Variants in DMKN observed in about 807,000 individuals in gnomAD.
DMKN encodes epidermis-specific secreted protein SK30/SK89.
DMKN carries 58 observed loss-of-function variants against 67.6 expected under a neutral mutation model. That is an observed-to-expected ratio of 0.86 (90% CI 0.69 to 1.07). The LOEUF (loss-of-function observed/expected upper bound fraction) is 1.07. DMKN is among the 50% of genes least tolerant of loss of function. The pLI is 0.00. For synonymous variants in DMKN, 240 were observed against 232.3 expected (o/e 1.03, Z -0.30); for missense variants, 596 against 601.5 (o/e 0.99, Z 0.10).
intron 11 of DMKN, chr19:35,501,892 C>T (rs1374931114): frequency 6.3e-7 from 1 of 1,580,686 alleles, no homozygotes; most frequent in African/African-American, 1.3e-5. Flanking sequence ...CAGTGGCCGG[C>T]TTCATGTTCA....
chr19:35,510,149 C>G (rs1301502097), intron 6 of DMKN, 35 bp downstream of exon 6: 2 of 1,585,656 alleles, frequency 1.3e-6, no homozygotes, highest in South Asian at 2.3e-5. Context: ...CTTTTCCTTC[C>G]CGCGGTTGGT....
At position 35,505,965 on chromosome 19, in the gene DMKN, T is replaced by C. The variant is rs1259555862; in HGVS notation, c.1060A>G (p.Met354Val). The change falls in exon 8 of 16, where the codon ATG becomes GTG. Residue 354 changes from methionine (M) to valine (V), a missense_variant. Physicochemically the swap from Met to Val is conservative, Grantham distance 21. Coordinates refer to ENST00000339686, the MANE Select transcript of DMKN (RefSeq NM_033317.5). ...TTCCAGAAAGTGTCAAAGTTAAACA[T>C]CCCAGGAGACGTCTCAGAGTTCTAT... ...GIQNSETSPGMFNFDTFWKNF... is the reference protein window; with the variant it reads ...GIQNSETSPGVFNFDTFWKNF... The C allele has an allele frequency of 1.2e-6, 2 of 1,614,096 alleles. No homozygotes were observed. Among genetic ancestry groups the C allele is most frequent in the Non-Finnish European group, 1.7e-6 (2 of 1,180,028 alleles).
chr19:35,499,945 T>A lies in DMKN; in HGVS notation c.1359+13A>T. The A allele has an allele frequency of 6.2e-7, 1 of 1,613,718 alleles. No homozygotes were observed. The highest frequency in any genetic ancestry group is 8.5e-7 in the Non-Finnish European group (1 of 1,179,808). On this transcript the variant is annotated intron_variant, in intron 13 of 15. Coordinates refer to ENST00000339686, the MANE Select transcript of DMKN (RefSeq NM_033317.5). Reference sequence around the variant, plus strand: ...AGCCCCCAGCGGGAAGACAGGGTGGTTGCCGGTCTCACCTTTGCAGGGGTC... The same window carrying A: ...AGCCCCCAGCGGGAAGACAGGGTGGATGCCGGTCTCACCTTTGCAGGGGTC...
At chr19:35,508,079 A>C in intron 7 of DMKN, 2 of 1,276,004 alleles carry the variant, frequency 1.6e-6, no homozygotes, top group Non-Finnish European at 2.2e-6. Context: ...CCTCGTTCCC[A>C]GAGCTCTCAG....
rs2068507103 is a variant in DMKN, at chr19:35,502,135, C to A, written c.1239+1G>T. ...GAGCTGAGAAGTCCTGCCCCCCTTA[C>A]CTCAATAATTGCTTTCCAGTTGAGG... On this transcript the variant is annotated splice_donor_variant, in intron 11 of 15. Coordinates refer to ENST00000339686, the MANE Select transcript of DMKN (RefSeq NM_033317.5). LOFTEE classifies it high-confidence loss of function. 2 of 1,614,178 alleles carry A rather than the reference C, an allele frequency of 1.2e-6. No homozygotes were observed. Among genetic ancestry groups the A allele is most frequent in the Middle Eastern group, 1.7e-4 (1 of 6,052 alleles).
rs902087174 is a variant in DMKN at position 35,512,694 on chromosome 19, C to G, written c.523G>C (p.Gly175Arg). The part of the protein sequence containing the change: ...PGGLGTPWVH[G>R]YPGNSAGSFG... Reference sequence around the variant, plus strand: ...CTGCCTGCTGAGTTTCCGGGGTATCCGTGGACCCACGGAGTCCCCAGACCT... The same window carrying G: ...CTGCCTGCTGAGTTTCCGGGGTATCGGTGGACCCACGGAGTCCCCAGACCT... Residue 175 changes from glycine (G) to arginine (R), a missense_variant, in exon 2 of 16, where the codon GGA (glycine) becomes CGA (arginine). Coordinates refer to ENST00000339686, the MANE Select transcript of DMKN (RefSeq NM_033317.5). The G allele has an allele frequency of 3.7e-6, 6 of 1,614,080 alleles. No homozygotes were observed. The highest frequency in any genetic ancestry group is 5.1e-6 in the Non-Finnish European group (6 of 1,180,044).
chr19:35,505,447 G>A (rs1180281534), intron 9 of DMKN, among the ~76,000 whole-genome samples: 1 of 152,138 alleles, frequency 6.6e-6, no homozygotes, highest in Non-Finnish European at 1.5e-5. Context: ...AAAGGGGAAA[G>A]TGAGGTTCAG....
chr19:35,500,018 G>T lies in DMKN; in HGVS notation c.1299C>A (p.Tyr433Ter), dbSNP rs1376704654. Residue 433 changes from tyrosine (Y) to a stop codon, truncating the protein, a stop_gained, in exon 13 of 16, where the codon TAC becomes TAA. Transcript: ENST00000339686. LOFTEE classifies it high-confidence loss of function. ...RAGRDDQNYN[Y>*]NQHAYPTAYG... ...AGGCAGTGGGATACGCATGCTGGTT[G>T]TAATTGTAGTTCTGTGGAAGAAGTG... The T allele has an allele frequency of 1.2e-6, 2 of 1,614,236 alleles. No homozygotes were observed. The highest frequency in any genetic ancestry group is 1.7e-5 in the Admixed American group (1 of 60,024).
At chr19:35,498,442 C>G (rs1461837358) in intron 15 of DMKN, 2 of 527,506 alleles carry the variant, frequency 3.8e-6, no homozygotes, top group Admixed American at 3.6e-5. Context: ...CTCCCAGACT[C>G]AAGTGATCCT....
intron 10 of DMKN, among the ~76,000 whole-genome samples, chr19:35,502,399 A>G (rs564336091): frequency 7.2e-5 from 11 of 152,232 alleles, no homozygotes; most frequent in Admixed American, 3.3e-4. Flanking sequence ...AGCTGTCTCA[A>G]AAATGAAGAG....
intron 5 of DMKN, among the ~76,000 whole-genome samples, chr19:35,510,921 C>T (rs1459168357): frequency 6.6e-6 from 1 of 152,120 alleles, no homozygotes; most frequent in East Asian, 1.9e-4. Flanking sequence ...TCACAGCGCC[C>T]CTTCCTGCCC....
chr19:35,510,423 A>G (rs1325152210), intron 5 of DMKN, 171 bp from the exon 6 acceptor site: 1 of 1,552,206 alleles, frequency 6.4e-7, no homozygotes, highest in Non-Finnish European at 8.7e-7. Flanking sequence ...AGTTATTCCG[A>G]GCATGGAGAA....
intron 13 of DMKN, 116 bp from the exon 14 acceptor site, chr19:35,499,013 C>T (rs1048167617): frequency 2.3e-5 from 33 of 1,458,542 alleles, no homozygotes; most frequent in Non-Finnish European, 2.5e-5. Context: ...GGGCTATCAC[C>T]AAGGTTTTCC....
chr19:35,503,581 T>A (rs1369016267), intron 9 of DMKN: 1 of 1,255,150 alleles, frequency 8.0e-7, no homozygotes, highest in Non-Finnish European at 1.1e-6. Context: ...GTTCAAGCGA[T>A]TCTCCTGCCT....
At position 35,499,767 on chromosome 19, in the gene DMKN, T is replaced by TC. The variant is rs1175222074; in HGVS notation, c.1359+190dup. Reference sequence around the variant, plus strand: ...GGTGGGTGTGAGGCGCATTGAACCCTCCTGCCCTCCACTTCCAAACTGTCT... The same window carrying TC: ...GGTGGGTGTGAGGCGCATTGAACCCTCCCTGCCCTCCACTTCCAAACTGTCT... On this transcript the variant is annotated intron_variant, in intron 13 of 15. Coordinates refer to ENST00000339686, the MANE Select transcript of DMKN (RefSeq NM_033317.5). 3.6e-5 allele frequency: 22 copies of TC among 605,376 alleles called. No homozygotes were observed. The East Asian group carries it at 5.9e-4, about 16-fold the overall frequency. The allele number at this position is 605,376 out of a possible 1,614,324, so 37.5% of individuals were successfully genotyped here.
At chr19:35,508,135 C>G in intron 7 of DMKN, 2 of 1,540,526 alleles carry the variant, frequency 1.3e-6, no homozygotes, top group Non-Finnish European at 1.8e-6. Flanking sequence ...CAGTATTGCT[C>G]CTGGAGAACA....
chr19:35,509,438 C>T (rs550735235), intron 7 of DMKN: 1 of 153,776 alleles, frequency 6.5e-6, no homozygotes, highest in African/African-American at 2.4e-5. Context: ...AGCAACGCGG[C>T]TAACAGGCTC....
rs532685035 is a variant in DMKN, at chr19:35,512,928, A to G, written c.426+122T>C. The stretch of plus-strand genomic sequence containing the variant: ...GGCATAGGAGGGGGGCAGAACATAG[A>G]AGGAAGCTGCCCCAGAAGCCTGCAA... On this transcript the variant is annotated intron_variant, in intron 1 of 15. Coordinates refer to ENST00000339686, the MANE Select transcript of DMKN (RefSeq NM_033317.5). 116 of 1,519,424 alleles carry G rather than the reference A, an allele frequency of 7.6e-5. 1 individual carries two copies. In the African/African-American group the frequency reaches 1.4e-3, roughly 19 times the overall value. 94.1% of individuals were successfully genotyped at this position (1,519,424 alleles called of 1,614,324 possible). A position where few individuals can be genotyped will look rare whatever the true frequency, so the allele number is the denominator to read the frequency against.
intron 5 of DMKN, 24 bp downstream of exon 5, chr19:35,511,387 C>CT: frequency 6.2e-7 from 1 of 1,606,746 alleles, no homozygotes; most frequent in Non-Finnish European, 8.5e-7. Context: ...CCATCTCAGC[C>CT]TTCCACAGAG....
Sources: allele counts gnomAD v4.1 joint callset (sites outside exome capture counted in the v4.1 genomes callset), GRCh38; gene constraint gnomAD v4.1.1; transcripts MANE v1.5; gene names NCBI Gene and HGNC (gene_info 2026-07-23, HGNC 2026-07-21).